Variants in MAST4 observed in about 807,000 individuals in gnomAD.
The protein encoded by MAST4 is microtubule-associated serine/threonine-protein kinase 4.
In MAST4, 89 loss-of-function variants were observed where a neutral mutation model predicts 162.7. The ratio of observed to expected loss-of-function variants is 0.55; its 90% CI spans 0.46 to 0.65. The LOEUF is 0.65. MAST4 is among the 30% of genes least tolerant of loss of function. The pLI, the probability that MAST4 is intolerant of heterozygous loss-of-function variation, is 0.00. For synonymous variants in MAST4, 1,479 were observed against 1,361.1 expected, an observed-to-expected ratio of 1.09 and a Z score of -1.91; for missense variants, 3,153 against 3,374.0, an observed-to-expected ratio of 0.93 and a Z score of 1.62.
chr5:66,893,422 T>C (rs1407062463), intron 3 of MAST4, among the ~76,000 whole-genome samples: 1 of 151,814 alleles, frequency 6.6e-6, no homozygotes, highest in East Asian at 1.9e-4. Context: ...AGAGACGGGT[T>C]TCACCGTTTT....
chr5:67,027,843 T>C (rs1267128738), intron 4 of MAST4, among the ~76,000 whole-genome samples: 1 of 152,198 alleles, frequency 6.6e-6, no homozygotes, highest in Admixed American at 6.6e-5. Context: ...GAGATTTCAC[T>C]TGGAGATGAA....
At chr5:66,881,744 A>G (rs568770374) in intron 3 of MAST4, among the ~76,000 whole-genome samples, 2 of 152,296 alleles carry the variant, frequency 1.3e-5, no homozygotes, top group African/African-American at 4.8e-5. Flanking sequence ...GGTTAAGTAC[A>G]AGTTACTCAA....
intron 4 of MAST4, among the ~76,000 whole-genome samples, chr5:67,022,960 T>C (rs1240995828): frequency 6.6e-6 from 1 of 152,042 alleles, no homozygotes; most frequent in Non-Finnish European, 1.5e-5. Flanking sequence ...AATAGGCATA[T>C]CTACCTTTTG....
chr5:66,868,829 C>G (rs1052939319), intron 3 of MAST4, among the ~76,000 whole-genome samples: 4 of 152,144 alleles, frequency 2.6e-5, no homozygotes, highest in African/African-American at 9.7e-5. Context: ...AAAGGATGTG[C>G]TTGCCCTCTT....
At chr5:67,023,965 C>G (rs577032025) in intron 4 of MAST4, among the ~76,000 whole-genome samples, 3 of 151,952 alleles carry the variant, frequency 2.0e-5, no homozygotes, top group African/African-American at 7.2e-5. Context: ...TAAGTGTACA[C>G]TTTAGTAGTG....
chr5:66,668,278 G>A (rs561197055), intron 1 of MAST4, among the ~76,000 whole-genome samples: 5 of 152,268 alleles, frequency 3.3e-5, no homozygotes, highest in African/African-American at 7.2e-5. Flanking sequence ...ATTTTATCCC[G>A]AGAGTCTTGT....
chr5:66,938,166 T>C (rs1324372358), intron 4 of MAST4, among the ~76,000 whole-genome samples: 1 of 152,164 alleles, frequency 6.6e-6, no homozygotes, highest in Non-Finnish European at 1.5e-5. Context: ...TCATATTGCC[T>C]AGAATCTTAT....
At chr5:66,637,780 A>T (rs1745218451) in intron 1 of MAST4, among the ~76,000 whole-genome samples, 1 of 151,910 alleles carries the variant, frequency 6.6e-6, no homozygotes, top group Non-Finnish European at 1.5e-5. Context: ...CTCACAGCTG[A>T]CTTTAACTTT....
chr5:67,139,856 C>A (rs968909567), intron 19 of MAST4, among the ~76,000 whole-genome samples: 2 of 152,152 alleles, frequency 1.3e-5, no homozygotes, highest in African/African-American at 4.8e-5. Context: ...AAACTGGACC[C>A]ACTGATACCA....
intron 2 of MAST4, among the ~76,000 whole-genome samples, chr5:66,780,539 C>T (rs775825011): frequency 1.3e-5 from 2 of 152,146 alleles, no homozygotes; most frequent in South Asian, 2.1e-4. Context: ...TCTTAAAGGT[C>T]GTGCGGACCC....
At chr5:66,726,220 T>C (rs1189201353) in intron 1 of MAST4, among the ~76,000 whole-genome samples, 1 of 151,984 alleles carries the variant, frequency 6.6e-6, no homozygotes, top group African/African-American at 2.4e-5. Flanking sequence ...AGGAGGTAGA[T>C]AAAATCCTTC....
intron 1 of MAST4, among the ~76,000 whole-genome samples, chr5:66,672,121 T>C (rs1319566765): frequency 6.6e-6 from 1 of 152,222 alleles, no homozygotes; most frequent in Non-Finnish European, 1.5e-5. Flanking sequence ...ATCCAAACCA[T>C]GTTCAGTAAA....
At chr5:67,094,609 T>C (rs965921640) in intron 6 of MAST4, among the ~76,000 whole-genome samples, 1 of 152,192 alleles carries the variant, frequency 6.6e-6, no homozygotes, top group East Asian at 1.9e-4. Context: ...AAATGTTCTG[T>C]GGCTTTTAAG....
intron 1 of MAST4, among the ~76,000 whole-genome samples, chr5:66,720,539 T>A (rs1484938184): frequency 1.3e-5 from 2 of 152,168 alleles, no homozygotes; most frequent in African/African-American, 2.4e-5. Context: ...GTATTAAATT[T>A]CCTTTGTCTC....
chr5:66,758,837 T>C (rs1753699416), intron 1 of MAST4, among the ~76,000 whole-genome samples: 1 of 152,234 alleles, frequency 6.6e-6, no homozygotes, highest in Admixed American at 6.5e-5. Context: ...CCTTTTTATG[T>C]ACTTTTTTGA....
rs1229343813 is a variant in MAST4, at chr5:66,705,013, T to C, written c.364-54696T>C. ...TCCTGGCCTGGGATCAAGCTGTGAA[T>C]GTTAGGTGCCCACCAAGCCACAGAA... On this transcript the variant is annotated intron_variant, in intron 1 of 28. Coordinates refer to ENST00000403625, the MANE Select transcript of MAST4 (RefSeq NM_001164664.2). 3.9e-5 allele frequency among the ~76,000 whole-genome samples: 6 copies of C among 152,306 alleles called. No individual in the cohort carries two copies. The South Asian group carries it at 1.0e-3, about 26-fold the overall frequency.
At chr5:66,783,859 C>CT (rs1361425238) in intron 2 of MAST4, among the ~76,000 whole-genome samples, 6 of 151,966 alleles carry the variant, frequency 3.9e-5, no homozygotes, top group Non-Finnish European at 8.8e-5. Flanking sequence ...TCAGGTGTTC[C>CT]TTTCTTTGTG....
At chr5:67,003,375 T>C (rs1252712145) in intron 4 of MAST4, among the ~76,000 whole-genome samples, 1 of 152,080 alleles carries the variant, frequency 6.6e-6, no homozygotes, top group African/African-American at 2.4e-5. Context: ...TTGGAGTCCT[T>C]GGTGTGAAAA....
intron 4 of MAST4, among the ~76,000 whole-genome samples, chr5:67,006,146 C>T (rs937271677): frequency 2.8e-4 from 43 of 152,206 alleles, no homozygotes; most frequent in African/African-American, 9.7e-4. Flanking sequence ...CTGGAATACT[C>T]ACATACACTG....
Sources: allele counts gnomAD v4.1 joint callset (sites outside exome capture counted in the v4.1 genomes callset), GRCh38; gene constraint gnomAD v4.1.1; transcripts MANE v1.5; gene names NCBI Gene and HGNC (gene_info 2026-07-23, HGNC 2026-07-21).